SETX: variants seen among roughly 807,000 people sequenced by gnomAD.
SETX encodes the protein senataxin.
In SETX, 90 loss-of-function variants were observed where a neutral mutation model predicts 227.2. The ratio of observed to expected loss-of-function variants is 0.40; its 90% CI spans 0.33 to 0.47. SETX has a LOEUF of 0.47. Among genes scored for constraint, SETX ranks in the 20% least tolerant of loss-of-function variants. The probability of loss-of-function intolerance (pLI) is 0.91; values close to 1 mark genes in which losing one functional copy is unlikely to be tolerated. For missense variants in SETX, 3,052 were observed against 3,181.5 expected, an observed-to-expected ratio of 0.96 and a Z score of 0.98; for synonymous variants, 1,210 against 1,113.2, an observed-to-expected ratio of 1.09 and a Z score of -1.73.
intron 7 of SETX, 87 bp from the exon 8 acceptor site, chr9:132,331,535 T>C: frequency 7.0e-7 from 1 of 1,419,404 alleles, no homozygotes; most frequent in South Asian, 1.2e-5. Context: ...ATTCTTTATC[T>C]GGTGAGTAGC....
Position 132,288,223 on chromosome 9 carries a change from A to C in SETX, c.6324+13T>G. 1.9e-6 allele frequency: 3 copies of C among 1,605,724 alleles called. No individual in the cohort carries two copies. Among genetic ancestry groups the C allele is most frequent in the Non-Finnish European group, 2.6e-6 (3 of 1,172,574 alleles). On this transcript the variant is annotated intron_variant, in intron 17 of 25. Coordinates refer to ENST00000224140, the MANE Select transcript of SETX (RefSeq NM_015046.7). ...CGTATACCTGAGTTATTATTCAAGA[A>C]ATGCAAAGATACCTGTATTTCCCGT... is the stretch of plus-strand genomic sequence containing the variant.
rs1174251262 is a variant in SETX at position 132,302,250 on chromosome 9, G to A, written c.5375-1447C>T. ...CAGGCATCTGTAGTCCCAGCTACTC[G>A]GGAGGCCGAGGCAGGAGAATGACGT... On this transcript the variant is annotated intron_variant, in intron 11 of 25. Coordinates refer to ENST00000224140, the MANE Select transcript of SETX (RefSeq NM_015046.7). Among the ~76,000 whole-genome samples, 12 of 151,776 alleles carry A rather than the reference G, an allele frequency of 7.9e-5. No individual in the cohort carries two copies. The South Asian group carries it at 1.9e-3, about 24-fold the overall frequency.
intron 13 of SETX, among the ~76,000 whole-genome samples, chr9:132,297,817 T>C (rs1441248440): frequency 6.6e-6 from 1 of 152,216 alleles, no homozygotes; most frequent in Non-Finnish European, 1.5e-5. Context: ...ACTTCTCACC[T>C]AATGCACATT....
At chr9:132,337,243 G>A (rs749534341) in intron 5 of SETX, among the ~76,000 whole-genome samples, 1 of 151,808 alleles carries the variant, frequency 6.6e-6, no homozygotes, top group Non-Finnish European at 1.5e-5. Context: ...GATTATGGGG[G>A]ATTCATTACA....
At chr9:132,331,658 C>T (rs1243145683) in intron 7 of SETX, among the ~76,000 whole-genome samples, 1 of 149,636 alleles carries the variant, frequency 6.7e-6, no homozygotes, top group Non-Finnish European at 1.5e-5. Context: ...GCAAGCAATA[C>T]TATGATACGT....
chr9:132,266,738 C>T (rs1842671236), intron 25 of SETX, among the ~76,000 whole-genome samples: 1 of 152,110 alleles, frequency 6.6e-6, no homozygotes, highest in Admixed American at 6.5e-5. Flanking sequence ...TGCCACTGCA[C>T]TCCAGCCTGG....
At chr9:132,313,383 A>G (rs764269427) in intron 10 of SETX, among the ~76,000 whole-genome samples, 1 of 152,176 alleles carries the variant, frequency 6.6e-6, no homozygotes, top group African/African-American at 2.4e-5. Flanking sequence ...GAGGGCAGAT[A>G]CTTTTAGTTT....
chr9:132,300,671 T>C lies in SETX; in HGVS notation c.5507A>G (p.Tyr1836Cys). 1 of 1,613,818 alleles carries C rather than the reference T, an allele frequency of 6.2e-7. No individual in the cohort carries two copies. The highest frequency in any genetic ancestry group is 2.2e-5 in the East Asian group (1 of 44,806). Residue 1836 changes from tyrosine to cysteine, a missense_variant, in exon 12 of 26, where the codon TAT (tyrosine) becomes TGT (cysteine). This residue lies in a region of SETX where 239 missense variants were observed against 272.1 expected (regional missense o/e 0.88). Transcript: ENST00000224140. ...ERNDIQDLHE[Y>C]HSGYVHKFRR... The stretch of plus-strand genomic sequence containing the variant: ...AAATTTATGAACATAACCAGAATGA[T>C]ATTCGTGGAGATCTTGTATGTCATT...
chr9:132,264,179 G>A lies in SETX; in HGVS notation c.*60C>T, dbSNP rs966252528. ...AACAAGCTTATCTAGATGGTCCCAC[G>A]AGCTGGTCATCTTCAGTTTACAATA... On this transcript the variant is annotated 3_prime_UTR_variant, in exon 26 of 26. Transcript: ENST00000224140. 30 of 1,608,614 alleles carry A rather than the reference G, an allele frequency of 1.9e-5. No homozygotes were observed. Among genetic ancestry groups the A allele is most frequent in the East Asian group, 1.8e-4 (8 of 44,884 alleles).
intron 15 of SETX, among the ~76,000 whole-genome samples, chr9:132,294,263 T>C (rs1001520728): frequency 6.6e-6 from 1 of 152,184 alleles, no homozygotes; most frequent in Non-Finnish European, 1.5e-5. Flanking sequence ...ATGTACAAAC[T>C]CTTGAACCCC....
At chr9:132,325,980 A>C (rs1846721237) in intron 10 of SETX, among the ~76,000 whole-genome samples, 1 of 152,060 alleles carries the variant, frequency 6.6e-6, no homozygotes, top group South Asian at 2.1e-4. Flanking sequence ...CCAGTATCTA[A>C]AACAGTGGCT....
At chr9:132,286,379 G>GAAAAA (rs201395158) in intron 18 of SETX, 44 bp downstream of exon 18, 1 of 1,166,428 alleles carries the variant, frequency 8.6e-7, no homozygotes, top group East Asian at 2.6e-5. Flanking sequence ...ATTTTAAAAA[G>GAAAAA]AAAAAAAAAA....
intron 22 of SETX, among the ~76,000 whole-genome samples, 181 bp from the exon 23 acceptor site, chr9:132,275,601 T>A (rs1334747654): frequency 6.6e-6 from 1 of 152,202 alleles, no homozygotes; most frequent in Non-Finnish European, 1.5e-5. Context: ...ATGGTATATA[T>A]GAATAAATGT....
Position 132,286,108 on chromosome 9 carries a change from G to A in SETX, c.6396+315C>T, listed in dbSNP as rs565611620. On this transcript the variant is annotated intron_variant, in intron 18 of 25. Transcript: ENST00000224140. ...TGAGGCAGGAGAATCGCTTGAACCC[G>A]GGAGGCAGAGGTTGCAGTGAGCCAA... Among the ~76,000 whole-genome samples, 40 of 151,308 alleles carry A rather than the reference G, an allele frequency of 2.6e-4. No individual in the cohort carries two copies. In the South Asian group the frequency reaches 2.7e-3, roughly 10 times the overall value.
chr9:132,326,871 T>G lies in SETX; in HGVS notation c.4727A>C (p.Glu1576Ala). Reference protein sequence around the residue: ...PKHSEVKAADEDVFRKPGLPP... With the variant: ...PKHSEVKAADADVFRKPGLPP... ...CAAGCCAGGTTTACGAAATACATCT[T>G]CATCTGCTGCTTTCACTTCAGAGTG... Residue 1576 changes from glutamate (E) to alanine (A), a missense_variant, in exon 10 of 26, where the codon GAA (glutamate) becomes GCA (alanine). By Grantham distance (107) the Glu-to-Ala change is moderately radical. Coordinates refer to ENST00000224140, the MANE Select transcript of SETX (RefSeq NM_015046.7). 6.2e-7 allele frequency: 1 copy of G among 1,614,222 alleles called. No homozygotes were observed. Among genetic ancestry groups the G allele is most frequent in the Admixed American group, 1.7e-5 (1 of 60,028 alleles).
rs777314512 is a variant in SETX at position 132,330,165 on chromosome 9, AGCAAAT to A, written c.1427_1432del (p.His476_Leu477del). The A allele has an allele frequency of 2.1e-5, 33 of 1,596,630 alleles. No individual in the cohort carries two copies. The highest frequency in any genetic ancestry group is 2.7e-5 in the Non-Finnish European group (32 of 1,169,690). ...CACCCATTGCTGGGAACTTACCCAC[AGCAAAT>A]GCAAACATTTTTTATTTCTATGCAG... On this transcript the variant is annotated inframe_deletion, in exon 10 of 26. Transcript: ENST00000224140.
chr9:132,342,574 G>A (rs1273185465), intron 5 of SETX, 116 bp downstream of exon 5: 3 of 868,980 alleles, frequency 3.5e-6, no homozygotes, highest in Admixed American at 1.7e-5. Flanking sequence ...AAATTTTAAA[G>A]CAAGAAAAAT....
Position 132,349,401 on chromosome 9 carries a change from C to G in SETX, c.28G>C (p.Gly10Arg), listed in dbSNP as rs751146499. MSTCCWCTP[G>R]GASTIDFLKR... ...AGGAAGTCAATGGTGGAAGCACCAC[C>G]TGGCGTACACCAACAACATGTGCTC... Residue 10 changes from glycine to arginine, a missense_variant, in exon 3 of 26, where the codon GGT (glycine) becomes CGT (arginine). Physicochemically the swap from Gly to Arg is moderately radical, Grantham distance 125. Transcript: ENST00000224140. The G allele has an allele frequency of 6.2e-7, 1 of 1,614,202 alleles. No homozygotes were observed. Among genetic ancestry groups the G allele is most frequent in the South Asian group, 1.1e-5 (1 of 91,086 alleles).
At chr9:132,344,852 G>A (rs1382142774) in intron 4 of SETX, among the ~76,000 whole-genome samples, 2 of 139,266 alleles carry the variant, frequency 1.4e-5, no homozygotes, top group Non-Finnish European at 3.1e-5. Flanking sequence ...TCCAGCCTGG[G>A]CGACAGTGAG....
Sources: allele counts gnomAD v4.1 joint callset (sites outside exome capture counted in the v4.1 genomes callset), GRCh38; gene constraint gnomAD v4.1.1; regional missense constraint gnomAD v4.1.1; transcripts MANE v1.5; gene names NCBI Gene and HGNC (gene_info 2026-07-23, HGNC 2026-07-21).